Variants in DZIP1L observed in about 807,000 individuals in gnomAD.
DZIP1L encodes DAZ interacting zinc finger protein 1 like.
DZIP1L carries 90 observed loss-of-function variants against 88.7 expected under a neutral mutation model. The ratio of observed to expected loss-of-function variants is 1.02; its 90% CI spans 0.86 to 1.21. DZIP1L has a LOEUF of 1.21. Ranked by LOEUF, DZIP1L falls within the 50% of genes most tolerant of loss-of-function variation. DZIP1L has a pLI of 0.00. For missense variants in DZIP1L, 932 were observed against 955.8 expected (o/e 0.98, Z 0.33); for synonymous variants, 363 against 372.1 (o/e 0.98, Z 0.28).
chr3:138,095,007 G>A (rs1400770944), intron 3 of DZIP1L, 24 bp from the exon 4 acceptor site: 3 of 1,614,028 alleles, frequency 1.9e-6, no homozygotes, highest in Middle Eastern at 1.6e-4. Context: ...GCAAAGACAG[G>A]TGACCAGTTT....
At chr3:138,078,849 G>A (rs1360944778) in intron 10 of DZIP1L, among the ~76,000 whole-genome samples, 1 of 152,212 alleles carries the variant, frequency 6.6e-6, no homozygotes, top group Non-Finnish European at 1.5e-5. Flanking sequence ...CCCACTCCAT[G>A]TTCTGCTTTA....
chr3:138,076,673 G>T (rs949564417), intron 11 of DZIP1L, among the ~76,000 whole-genome samples: 1 of 152,100 alleles, frequency 6.6e-6, no homozygotes, highest in Non-Finnish European at 1.5e-5. Flanking sequence ...ACCAAACATC[G>T]TATGTTCTCA....
chr3:138,097,734 A>G, intron 3 of DZIP1L, 29 bp downstream of exon 3: 2 of 1,589,688 alleles, frequency 1.3e-6, no homozygotes, highest in Middle Eastern at 2.0e-4. Flanking sequence ...ACAGTCCCAG[A>G]AGGGGCCCGG....
At position 138,103,905 on chromosome 3, in the gene DZIP1L, T is replaced by C. The variant is rs776470429; in HGVS notation, c.67A>G (p.Thr23Ala). The C allele has an allele frequency of 3.7e-6, 6 of 1,613,548 alleles. No individual in the cohort carries two copies. The highest frequency in any genetic ancestry group is 5.1e-6 in the Non-Finnish European group (6 of 1,179,982). The change falls in exon 2 of 16, where the codon ACC becomes GCC. Residue 23 changes from threonine to alanine, a missense_variant. Physicochemically the swap from Thr to Ala is moderately conservative, Grantham distance 58. Transcript: ENST00000327532. Reference sequence around the variant, plus strand: ...TCATGGCGAGGCTGAAACTTGAAGGTGGGGAACGTGTAGGCCCCAAAGAGG... The same window carrying C: ...TCATGGCGAGGCTGAAACTTGAAGGCGGGGAACGTGTAGGCCCCAAAGAGG... ...GPLFGAYTFP[T>A]FKFQPRHDSM... is the part of the protein sequence containing the mutation.
At chr3:138,076,441 T>C (rs1943408895) in intron 11 of DZIP1L, among the ~76,000 whole-genome samples, 1 of 152,202 alleles carries the variant, frequency 6.6e-6, no homozygotes. Context: ...AGTCATTACA[T>C]GAAAAAGATA....
chr3:138,075,892 G>A (rs1307673201), intron 11 of DZIP1L, among the ~76,000 whole-genome samples: 1 of 152,138 alleles, frequency 6.6e-6, no homozygotes, highest in African/African-American at 2.4e-5. Context: ...CAGGGAGTCG[G>A]AGGTTGCAGT....
At chr3:138,101,657 C>T in intron 2 of DZIP1L, 1 of 795,920 alleles carries the variant, frequency 1.3e-6, no homozygotes. Flanking sequence ...CCCCCATAGG[C>T]CGAGCTCAGA....
intron 8 of DZIP1L, among the ~76,000 whole-genome samples, chr3:138,082,905 T>C (rs896942932): frequency 1.3e-5 from 2 of 152,180 alleles, no homozygotes; most frequent in Non-Finnish European, 2.9e-5. Context: ...GCTACAGTAG[T>C]CTGCTTGCAA....
chr3:138,087,073 A>G (rs1943977293), intron 6 of DZIP1L, 50 bp from the exon 7 acceptor site: 2 of 1,577,548 alleles, frequency 1.3e-6, no homozygotes, highest in African/African-American at 2.7e-5. Context: ...GTATTAAAAC[A>G]TGTTATAAAG....
rs1030042075 is a variant in DZIP1L, at chr3:138,115,560, C to A, written c.-314G>T. On this transcript the variant is annotated 5_prime_UTR_variant, in exon 1 of 16. Transcript: ENST00000327532. Reference sequence around the variant, plus strand: ...GGCCCACTCCAGTGCCGCCAACCTGCGGGACCGCGGACAGAGAGCTCCTCG... The same window carrying A: ...GGCCCACTCCAGTGCCGCCAACCTGAGGGACCGCGGACAGAGAGCTCCTCG... The A allele has an allele frequency of 9.9e-5, 15 of 152,224 alleles. No homozygotes were observed. The highest frequency in any genetic ancestry group is 3.4e-4 in the African/African-American group (14 of 41,464). The allele number at this position is 152,224 out of a possible 1,614,324, so 9.4% of individuals were successfully genotyped here. A position where few individuals can be genotyped will look rare whatever the true frequency, so the allele number is the denominator to read the frequency against.
rs992678191 is a variant in DZIP1L at position 138,068,035 on chromosome 3, C to T, written c.1832+116G>A. The T allele has an allele frequency of 4.2e-6, 4 of 957,154 alleles. No individual in the cohort carries two copies. In the Admixed American group the frequency reaches 1.2e-4, roughly 29 times the overall value. The allele number at this position is 957,154 out of a possible 1,614,324, so 59.3% of individuals were successfully genotyped here. On this transcript the variant is annotated intron_variant, in intron 13 of 15. Transcript: ENST00000327532. ...GACCCCACCTGAGGCACCTTCTATT[C>T]ACATGTGTCTGCCCCCCTCCTATCT...
intron 1 of DZIP1L, chr3:138,112,273 A>C (rs1329508106): frequency 1.3e-5 from 2 of 152,112 alleles, no homozygotes; most frequent in Admixed American, 6.5e-5. Context: ...GTTCTATCTG[A>C]CTCCAGAGCT....
chr3:138,084,293 G>A (rs772168110), intron 7 of DZIP1L, 40 bp from the exon 8 acceptor site: 12 of 1,602,320 alleles, frequency 7.5e-6, no homozygotes, highest in Non-Finnish European at 1.0e-5. Context: ...AATGTCTGCA[G>A]GGACATCTTA....
Position 138,063,443 on chromosome 3 carries a change from G to A in DZIP1L, c.2143-466C>T, listed in dbSNP as rs187562383. 6.6e-6 allele frequency among the ~76,000 whole-genome samples: 1 copy of A among 152,308 alleles called. No individual in the cohort carries two copies. The highest frequency in any genetic ancestry group is 1.9e-4 in the East Asian group (1 of 5,180). On this transcript the variant is annotated intron_variant, in intron 15 of 15. Coordinates refer to ENST00000327532, the MANE Select transcript of DZIP1L (RefSeq NM_173543.3). This position sits in a 1 kb window ranked among gnomAD's most constrained non-coding sequence, Gnocchi z 4.1. ...GACTGAAGGAGCATGAGAGGAGCTT[G>A]GGAGCAACAGGAGTCCTTCAGCCTG... is the stretch of plus-strand genomic sequence containing the variant.
At chr3:138,094,831 A>C (rs2107816490) in intron 4 of DZIP1L, 31 bp downstream of exon 4, 1 of 1,613,582 alleles carries the variant, frequency 6.2e-7, no homozygotes, top group East Asian at 2.2e-5. Flanking sequence ...CCATGACCCA[A>C]GTCTCCCTGA....
chr3:138,073,467 A>T (rs2107750063), intron 11 of DZIP1L, among the ~76,000 whole-genome samples: 1 of 152,200 alleles, frequency 6.6e-6, no homozygotes, highest in East Asian at 1.9e-4. Flanking sequence ...GATCAAAAAC[A>T]ATCACTACAG....
intron 7 of DZIP1L, 87 bp from the exon 8 acceptor site, chr3:138,084,340 G>GTCAGCTTATTATAAA: frequency 2.0e-6 from 3 of 1,509,050 alleles, no homozygotes; most frequent in Non-Finnish European, 2.7e-6. Context: ...CTGTAGGCAA[G>GTCAGCTTATTATAAA]TGCCAGGCAA....
At chr3:138,070,777 CAT>C (rs1270265425) in intron 12 of DZIP1L, among the ~76,000 whole-genome samples, 5 of 152,212 alleles carry the variant, frequency 3.3e-5, no homozygotes, top group South Asian at 4.1e-4. Flanking sequence ...CTTCTGGCCA[CAT>C]GTGTCCCTGA....
chr3:138,097,529 CTA>C (rs1239944959), intron 3 of DZIP1L, among the ~76,000 whole-genome samples: 1 of 152,192 alleles, frequency 6.6e-6, no homozygotes, highest in Non-Finnish European at 1.5e-5. Flanking sequence ...AGCGACAGAG[CTA>C]AGAGTGAAAT....
Sources: gnomAD v4.1 joint callset for allele counts (sites outside exome capture counted in the v4.1 genomes callset) on GRCh38, gnomAD v4.1.1 for gene constraint, Gnocchi (gnomAD v3.1) non-coding constraint, MANE v1.5 for transcripts, NCBI Gene and HGNC (gene_info 2026-07-23, HGNC 2026-07-21) for gene names.